CCDC85C: variants seen among roughly 807,000 people sequenced by gnomAD.
CCDC85C encodes coiled-coil domain containing 85C.
Under a neutral mutation model 38.3 loss-of-function variants are expected in CCDC85C, and 18 were observed. The observed-to-expected ratio is 0.47, with a 90% CI of 0.33 to 0.70. The LOEUF is 0.70. Ranked by LOEUF, CCDC85C falls within the 30% of genes least tolerant of loss-of-function variation. The pLI, the probability that CCDC85C is intolerant of heterozygous loss-of-function variation, is 0.03. For synonymous variants in CCDC85C, 264 were observed against 293.8 expected, an observed-to-expected ratio of 0.90 and a Z score of 1.04; for missense variants, 566 against 621.2, an observed-to-expected ratio of 0.91 and a Z score of 0.94.
chr14:99,523,330 C>G (rs1358373412), intron 2 of CCDC85C, among the ~76,000 whole-genome samples: 2 of 152,228 alleles, frequency 1.3e-5, no homozygotes, highest in Non-Finnish European at 2.9e-5. Context: ...CCCTCAAAAG[C>G]TGGACCTGGC....
intron 1 of CCDC85C, among the ~76,000 whole-genome samples, chr14:99,594,037 G>A (rs1440208314): frequency 7.5e-6 from 1 of 133,574 alleles, no homozygotes; most frequent in Middle Eastern, 3.8e-3. Context: ...GGGGCGGGGG[G>A]CGGGGAGTAA....
chr14:99,560,102 T>C (rs1277007187), intron 1 of CCDC85C, among the ~76,000 whole-genome samples: 1 of 152,052 alleles, frequency 6.6e-6, no homozygotes, highest in Non-Finnish European at 1.5e-5. Flanking sequence ...TCACACCAGC[T>C]GCCCCCTGGA....
chr14:99,593,978 G>A (rs1280930136), intron 1 of CCDC85C, among the ~76,000 whole-genome samples: 2 of 126,848 alleles, frequency 1.6e-5, no homozygotes, highest in African/African-American at 5.9e-5. Context: ...GGAAGGTGGG[G>A]TTGTGTAAAT....
At position 99,520,545 on chromosome 14, in the gene CCDC85C, C is replaced by T. The variant is rs1312164578; in HGVS notation, c.975+1588G>A. Reference sequence around the variant, plus strand: ...TTCATCCCACTCCTGGGGGCCTGCCCGCCGACCAGCCCCGATCACGGCCCC... The same window carrying T: ...TTCATCCCACTCCTGGGGGCCTGCCTGCCGACCAGCCCCGATCACGGCCCC... On this transcript the variant is annotated intron_variant, in intron 3 of 5. Transcript: ENST00000380243. The surrounding 1 kb of genome is among the most constrained non-coding windows in gnomAD (Gnocchi z 4.1). Among the ~76,000 whole-genome samples, 1 of 72,240 alleles carries T rather than the reference C, an allele frequency of 1.4e-5. No homozygotes were observed. Among genetic ancestry groups the T allele is most frequent in the Non-Finnish European group, 3.2e-5 (1 of 31,296 alleles). The allele number at this position is 72,240 out of a possible 152,430, so 47.4% of individuals were successfully genotyped here.
rs746393697 is a variant in CCDC85C at position 99,516,660 on chromosome 14, G to A, written c.1072-374C>T. 1.6e-4 allele frequency among the ~76,000 whole-genome samples: 24 copies of A among 152,084 alleles called. No homozygotes were observed. The highest frequency in any genetic ancestry group is 3.2e-4 in the Non-Finnish European group (22 of 68,008). On this transcript the variant is annotated intron_variant, in intron 4 of 5. Transcript: ENST00000380243. This position sits in a 1 kb window ranked among gnomAD's most constrained non-coding sequence, Gnocchi z 5.5. ...ATGCATGTGGGATGTCATGGGGCACGTACGTAGGAGGAAGGGGGGCATGGG... is the reference window on the plus strand; with the variant it reads ...ATGCATGTGGGATGTCATGGGGCACATACGTAGGAGGAAGGGGGGCATGGG...
rs142460068 is a variant in CCDC85C at position 99,543,075 on chromosome 14, G to A, written c.794-6987C>T. ...AATCTGAGACCCAAAAGGAGTTATCGATTTCATCACAGTCCAGGCTACCAG... is the reference window on the plus strand; with the variant it reads ...AATCTGAGACCCAAAAGGAGTTATCAATTTCATCACAGTCCAGGCTACCAG... On this transcript the variant is annotated intron_variant, in intron 1 of 5. Transcript: ENST00000380243. Among the ~76,000 whole-genome samples, 4 of 152,334 alleles carry A rather than the reference G, an allele frequency of 2.6e-5. No individual in the cohort carries two copies. In the East Asian group the frequency reaches 7.7e-4, roughly 29 times the overall value.
rs760944464 is a variant in CCDC85C at position 99,501,550 on chromosome 14, G to C, written c.*13696C>G. The C allele has an allele frequency of 6.3e-6, 4 of 633,478 alleles. No individual in the cohort carries two copies. Among genetic ancestry groups the C allele is most frequent in the Non-Finnish European group, 1.1e-5 (4 of 363,144 alleles). The allele number at this position is 633,478 out of a possible 1,614,324, so 39.2% of individuals were successfully genotyped here. On this transcript the variant is annotated 3_prime_UTR_variant, in exon 6 of 6. Transcript: ENST00000380243. Reference sequence around the variant, plus strand: ...GCTTGAGGAGCCAGTTAATGGCAAAGCTGGGGCTGACGTCCAGGTCATCTG... The same window carrying C: ...GCTTGAGGAGCCAGTTAATGGCAAACCTGGGGCTGACGTCCAGGTCATCTG...
chr14:99,521,540 T>A (rs1356864142), intron 3 of CCDC85C, among the ~76,000 whole-genome samples: 1 of 152,154 alleles, frequency 6.6e-6, no homozygotes, highest in African/African-American at 2.4e-5. Flanking sequence ...AAGCATCCGC[T>A]ACACACCCAC....
intron 1 of CCDC85C, chr14:99,580,036 A>G: frequency 2.2e-6 from 1 of 455,446 alleles, no homozygotes; most frequent in Non-Finnish European, 4.4e-6. Flanking sequence ...AGTGAGTCAC[A>G]TGGGCAGGGC....
In CCDC85C at chr14:99,502,117, ATTAATGG is replaced by A; in HGVS notation, c.*13122_*13128del. On this transcript the variant is annotated 3_prime_UTR_variant, in exon 6 of 6. Coordinates refer to ENST00000380243, the MANE Select transcript of CCDC85C (RefSeq NM_001144995.2). ...ATTAAATTTAGGGGAGAATAAGCAA[ATTAATGG>A]TTAGTTATGGCATCTCCATGCACTG... is the stretch of plus-strand genomic sequence containing the variant. The A allele has an allele frequency of 2.2e-6, 3 of 1,361,034 alleles. No homozygotes were observed. Among genetic ancestry groups the A allele is most frequent in the Non-Finnish European group, 1.9e-6 (2 of 1,029,808 alleles). 84.3% of individuals were successfully genotyped at this position (1,361,034 alleles called of 1,614,324 possible). A position where few individuals can be genotyped will look rare whatever the true frequency, so the allele number is the denominator to read the frequency against.
At chr14:99,591,734 CTTTTTTT>C (rs66657278) in intron 1 of CCDC85C, among the ~76,000 whole-genome samples, 1 of 130,466 alleles carries the variant, frequency 7.7e-6, no homozygotes, top group African/African-American at 2.9e-5. Context: ...GGTTTCTTTT[CTTTTTTT>C]TTTTTTTTTT....
At chr14:99,567,991 A>C (rs1172154903) in intron 1 of CCDC85C, among the ~76,000 whole-genome samples, 2 of 151,200 alleles carry the variant, frequency 1.3e-5, no homozygotes, top group Non-Finnish European at 2.9e-5. Context: ...ACTGCCCCCC[A>C]CTCCCACCCC....
intron 1 of CCDC85C, among the ~76,000 whole-genome samples, chr14:99,565,564 C>A (rs1898199638): frequency 6.6e-6 from 1 of 152,292 alleles, no homozygotes; most frequent in East Asian, 1.9e-4. Flanking sequence ...GTGCATGAAC[C>A]CAGGGGCAGA....
At position 99,573,088 on chromosome 14, in the gene CCDC85C, G is replaced by A. The variant is rs538159232; in HGVS notation, c.793+30079C>T. 196 of 318,618 alleles carry A rather than the reference G, an allele frequency of 6.2e-4. 4 individuals are homozygous for A. Among genetic ancestry groups the A allele is most frequent in the South Asian group, 4.2e-3 (151 of 36,086 alleles). The allele number at this position is 318,618 out of a possible 1,614,324, so 19.7% of individuals were successfully genotyped here. A position where few individuals can be genotyped will look rare whatever the true frequency, so the allele number is the denominator to read the frequency against. On this transcript the variant is annotated intron_variant, in intron 1 of 5. Transcript: ENST00000380243. ...GACAAGTGAAGCCTAAGCTGTTTCC[G>A]GGGCGCTCAGACCAGGCAGGGACTC...
rs1002786233 is a variant in CCDC85C, at chr14:99,520,621, A to C, written c.975+1512T>G. On this transcript the variant is annotated intron_variant, in intron 3 of 5. Transcript: ENST00000380243. This position sits in a 1 kb window ranked among gnomAD's most constrained non-coding sequence, Gnocchi z 4.1. ...GGGGCCTGCCCGCCGACCAGCCCTGATCATGGCCCCTGAACCTCAGTTTAT... is the reference window on the plus strand; with the variant it reads ...GGGGCCTGCCCGCCGACCAGCCCTGCTCATGGCCCCTGAACCTCAGTTTAT... Among the ~76,000 whole-genome samples, 2 of 151,778 alleles carry C rather than the reference A, an allele frequency of 1.3e-5. No individual in the cohort carries two copies. Among genetic ancestry groups the C allele is most frequent in the Non-Finnish European group, 2.9e-5 (2 of 67,912 alleles).
intron 1 of CCDC85C, among the ~76,000 whole-genome samples, chr14:99,561,159 C>A (rs763581667): frequency 6.6e-6 from 1 of 152,234 alleles, no homozygotes. Flanking sequence ...CCAGGGCTCC[C>A]GACAAGCCAC....
rs1390444631 is a variant in CCDC85C, at chr14:99,603,576, G to C, written c.384C>G (p.Arg128=). 7.1e-7 allele frequency: 1 copy of C among 1,405,344 alleles called. No individual in the cohort carries two copies. Among genetic ancestry groups the C allele is most frequent in the Non-Finnish European group, 9.2e-7 (1 of 1,085,264 alleles). The allele number at this position is 1,405,344 out of a possible 1,614,324, so 87.1% of individuals were successfully genotyped here. ...GGGCCTCCTGGCGCGCCTCGAGCTC[G>C]CGCAGCTTCTGCTGCGAGCGGGCCA... is the stretch of plus-strand genomic sequence containing the variant. The part of the protein sequence containing the change: ...HEVARSQQKL[R]ELEARQEALL... The change falls in exon 1 of 6, where the codon CGC becomes CGG. Residue 128 remains arginine (R), a synonymous_variant. Transcript: ENST00000380243. The surrounding 1 kb of genome is among the most constrained non-coding windows in gnomAD (Gnocchi z 7.5).
At chr14:99,592,886 G>A (rs1324904091) in intron 1 of CCDC85C, among the ~76,000 whole-genome samples, 3 of 152,236 alleles carry the variant, frequency 2.0e-5, no homozygotes, top group South Asian at 2.1e-4. Flanking sequence ...GCAAAGGCGA[G>A]GGGGAGAAGA....
chr14:99,518,270 C>T (rs893214655), intron 3 of CCDC85C, among the ~76,000 whole-genome samples: 3 of 152,080 alleles, frequency 2.0e-5, no homozygotes, highest in Non-Finnish European at 4.4e-5. Context: ...TGGCCTGGAC[C>T]TGCTCCCAGG....
Sources: gnomAD v4.1 joint callset for allele counts (sites outside exome capture counted in the v4.1 genomes callset) on GRCh38, gnomAD v4.1.1 for gene constraint, Gnocchi (gnomAD v3.1) non-coding constraint, MANE v1.5 for transcripts, NCBI Gene and HGNC (gene_info 2026-07-23, HGNC 2026-07-21) for gene names.